Variants in SLIT2 observed in about 807,000 individuals in gnomAD.
SLIT2 encodes the protein slit homolog 2 protein.
Under a neutral mutation model 185.7 loss-of-function variants are expected in SLIT2, and 41 were observed. The ratio of observed to expected loss-of-function variants is 0.22; its 90% CI spans 0.17 to 0.29. SLIT2 has a LOEUF of 0.29. Among genes scored for constraint, SLIT2 ranks in the 10% least tolerant of loss-of-function variants. SLIT2 has a pLI of 1.00. For missense variants in SLIT2, 1,571 were observed against 1,909.0 expected, an observed-to-expected ratio of 0.82 and a Z score of 3.30; for synonymous variants, 693 against 680.2, an observed-to-expected ratio of 1.02 and a Z score of -0.29.
chr4:20,533,605 G>A lies in SLIT2; in HGVS notation c.1722G>A (p.Glu574=), dbSNP rs761491389. 6.2e-6 allele frequency: 10 copies of A among 1,611,472 alleles called. No homozygotes were observed. The African/African-American group carries it at 1.1e-4, about 17-fold the overall frequency. ...GCAACAATAAGATCACAGATATTGAGGAGGGAGCATTTGAAGGAGCATCTG... is the reference window on the plus strand; with the variant it reads ...GCAACAATAAGATCACAGATATTGAAGAGGGAGCATTTGAAGGAGCATCTG... The part of the protein sequence containing the change: ...NFSNNKITDI[E]EGAFEGASGV... Residue 574 remains glutamate, a synonymous_variant, in exon 18 of 37, where the codon GAG becomes GAA. Coordinates refer to ENST00000504154, the MANE Select transcript of SLIT2 (RefSeq NM_004787.4).
intron 4 of SLIT2, among the ~76,000 whole-genome samples, chr4:20,329,377 A>C (rs116461311): frequency 0.025 from 3,801 of 152,088 alleles, 69 homozygotes; most frequent in Non-Finnish European, 0.035. Flanking sequence ...ATTTATAATC[A>C]TGTTAGAATA....
intron 26 of SLIT2, among the ~76,000 whole-genome samples, chr4:20,564,663 A>G (rs1724946850): frequency 1.3e-5 from 2 of 152,016 alleles, no homozygotes; most frequent in South Asian, 4.2e-4. Flanking sequence ...AGCTTTACCA[A>G]CCTGAAGAAG....
At chr4:20,305,013 A>G (rs1161392085) in intron 4 of SLIT2, among the ~76,000 whole-genome samples, 3 of 152,242 alleles carry the variant, frequency 2.0e-5, no homozygotes, top group Non-Finnish European at 2.9e-5. Context: ...TTGCTAGTAC[A>G]CTAGACTGTG....
At chr4:20,359,263 A>G (rs1722563305) in intron 4 of SLIT2, among the ~76,000 whole-genome samples, 1 of 152,100 alleles carries the variant, frequency 6.6e-6, no homozygotes, top group Non-Finnish European at 1.5e-5. Flanking sequence ...GAGGAAAGGA[A>G]CTTAAGTTGG....
intron 9 of SLIT2, among the ~76,000 whole-genome samples, chr4:20,498,298 T>C (rs1718414114): frequency 6.6e-6 from 1 of 152,210 alleles, no homozygotes; most frequent in Non-Finnish European, 1.5e-5. Context: ...GGGAAAGCTG[T>C]TTGCTGCCTT....
chr4:20,454,458 C>T (rs1712825275), intron 4 of SLIT2, among the ~76,000 whole-genome samples: 1 of 152,120 alleles, frequency 6.6e-6, no homozygotes, highest in Non-Finnish European at 1.5e-5. Flanking sequence ...AGTTGGCATA[C>T]TCATTTACCG....
chr4:20,289,695 T>A (rs890888556), intron 4 of SLIT2, among the ~76,000 whole-genome samples: 1 of 152,238 alleles, frequency 6.6e-6, no homozygotes, highest in African/African-American at 2.4e-5. Context: ...TTTGTTTTGT[T>A]CACTGTTGTA....
At chr4:20,378,138 G>A (rs765398913) in intron 4 of SLIT2, among the ~76,000 whole-genome samples, 86 of 152,188 alleles carry the variant, frequency 5.7e-4, no homozygotes, top group Admixed American at 7.9e-4. Context: ...TATTTTGGAA[G>A]CTGTGTCCCA....
At chr4:20,399,533 A>G (rs1310506168) in intron 4 of SLIT2, among the ~76,000 whole-genome samples, 1 of 151,768 alleles carries the variant, frequency 6.6e-6, no homozygotes, top group Non-Finnish European at 1.5e-5. Context: ...ATAATTGAAT[A>G]TGCATTACTT....
intron 4 of SLIT2, among the ~76,000 whole-genome samples, chr4:20,311,450 T>A (rs546906555): frequency 2.0e-5 from 3 of 152,204 alleles, no homozygotes; most frequent in African/African-American, 4.8e-5. Context: ...ACATAATCGA[T>A]GTAACAAGTT....
At chr4:20,481,857 T>G (rs1716738334) in intron 6 of SLIT2, among the ~76,000 whole-genome samples, 1 of 152,062 alleles carries the variant, frequency 6.6e-6, no homozygotes, top group African/African-American at 2.4e-5. Flanking sequence ...TATTAATTAT[T>G]TTAAAAGATT....
At chr4:20,370,524 C>T (rs1172284524) in intron 4 of SLIT2, among the ~76,000 whole-genome samples, 1 of 152,078 alleles carries the variant, frequency 6.6e-6, no homozygotes, top group Admixed American at 6.6e-5. Flanking sequence ...TTTGCTGAGT[C>T]AGAAATTTAA....
chr4:20,582,601 TATGA>T (rs746396736), intron 29 of SLIT2, among the ~76,000 whole-genome samples: 5 of 152,322 alleles, frequency 3.3e-5, no homozygotes, highest in Admixed American at 1.3e-4. Context: ...CAGTTTGAGG[TATGA>T]CAGCAAAACT....
intron 32 of SLIT2, 119 bp from the exon 33 acceptor site, chr4:20,598,146 A>T: frequency 1.2e-6 from 1 of 840,976 alleles, no homozygotes; most frequent in Non-Finnish European, 1.8e-6. Flanking sequence ...GTTTTCTCAT[A>T]GCCATCAGGA....
intron 4 of SLIT2, among the ~76,000 whole-genome samples, chr4:20,463,875 C>CA (rs555271635): frequency 0.091 from 9,717 of 106,324 alleles, 428 homozygotes; most frequent in Admixed American, 0.2. Context: ...GACTTTGTCT[C>CA]AAAAAAAAAA....
intron 4 of SLIT2, among the ~76,000 whole-genome samples, chr4:20,362,974 A>G (rs1722856789): frequency 6.6e-6 from 1 of 151,934 alleles, no homozygotes. Flanking sequence ...CTGCTTTGGG[A>G]CTGGGTCTGT....
intron 5 of SLIT2, among the ~76,000 whole-genome samples, chr4:20,468,752 T>C (rs1714641594): frequency 6.6e-6 from 1 of 152,096 alleles, no homozygotes; most frequent in Admixed American, 6.5e-5. Flanking sequence ...TGAGATTAAC[T>C]GTCAGGAATT....
intron 4 of SLIT2, among the ~76,000 whole-genome samples, chr4:20,434,450 C>G (rs941546636): frequency 6.6e-6 from 1 of 152,062 alleles, no homozygotes; most frequent in African/African-American, 2.4e-5. Context: ...CGCACCACTG[C>G]ACCTCCAGCT....
In SLIT2 at chr4:20,488,908, C is replaced by T. The variant is rs371604307; in HGVS notation, c.701C>T (p.Thr234Ile). ...CAAAGGCCTCGGGTTGGTCTGTACA[C>T]TCAGTGTATGGGCCCCTCCCACCTG... ...LRQRPRVGLYTQCMGPSHLRG... is the reference protein window; with the variant it reads ...LRQRPRVGLYIQCMGPSHLRG... The change falls in exon 8 of 37, where the codon ACT becomes ATT. Residue 234 changes from threonine to isoleucine, a missense_variant. By Grantham distance (89) the Thr-to-Ile change is moderately conservative. Transcript: ENST00000504154. The T allele has an allele frequency of 3.1e-6, 5 of 1,612,748 alleles. No homozygotes were observed. Among genetic ancestry groups the T allele is most frequent in the Non-Finnish European group, 4.2e-6 (5 of 1,178,976 alleles).
Sources: gnomAD v4.1 joint callset for allele counts (sites outside exome capture counted in the v4.1 genomes callset) on GRCh38, gnomAD v4.1.1 for gene constraint, MANE v1.5 for transcripts, NCBI Gene and HGNC (gene_info 2026-07-23, HGNC 2026-07-21) for gene names.